FBXL18: variants seen among roughly 807,000 people sequenced by gnomAD.
FBXL18 encodes the protein F-box/LRR-repeat protein 18.
Under a neutral mutation model 46.0 loss-of-function variants are expected in FBXL18, and 36 were observed. That is an observed-to-expected ratio of 0.78 (90% CI 0.60 to 1.03). The LOEUF (loss-of-function observed/expected upper bound fraction) is 1.03, where lower values mean the gene tolerates loss of function less well. FBXL18 is among the 50% of genes least tolerant of loss of function. FBXL18 has a pLI of 0.00. For missense variants in FBXL18, 977 were observed against 1,004.1 expected (o/e 0.97, Z 0.36); for synonymous variants, 557 against 465.3 (o/e 1.20, Z -2.54).
intron 1 of FBXL18, among the ~76,000 whole-genome samples, chr7:5,513,437 G>A (rs550685131): frequency 6.6e-6 from 1 of 152,300 alleles, no homozygotes; most frequent in African/African-American, 2.4e-5. Flanking sequence ...CACGAGCGAA[G>A]GGGGAGACAG....
downstream of FBXL18, among the ~76,000 whole-genome samples, chr7:5,473,038 GCA>G (rs1240246938): frequency 6.6e-6 from 1 of 152,210 alleles, no homozygotes; most frequent in East Asian, 1.9e-4. Context: ...GGCGTCGGCA[GCA>G]CAGAGTATCA....
At chr7:5,458,283 G>T (rs1490332293) in intron 4 of FBXL18, among the ~76,000 whole-genome samples, 1 of 152,172 alleles carries the variant, frequency 6.6e-6, no homozygotes, top group Admixed American at 6.6e-5. Flanking sequence ...AGAGGTTTCT[G>T]GCCACCCACA....
At chr7:5,482,869 C>A (rs529694619) in intron 4 of FBXL18, among the ~76,000 whole-genome samples, 1 of 151,860 alleles carries the variant, frequency 6.6e-6, no homozygotes, top group Admixed American at 6.6e-5. Flanking sequence ...GACTTTGTCT[C>A]TATAAAAAAT....
At chr7:5,458,782 A>C (rs1387482520) in intron 4 of FBXL18, among the ~76,000 whole-genome samples, 3 of 151,992 alleles carry the variant, frequency 2.0e-5, no homozygotes, top group Admixed American at 2.0e-4. Context: ...AATCACTTGA[A>C]CCCGGAGGCA....
rs35815456 is a variant in FBXL18, at chr7:5,483,755, C to CA, written c.2001-1825dup. Among the ~76,000 whole-genome samples, 18 of 149,930 alleles carry CA rather than the reference C, an allele frequency of 1.2e-4. 1 individual carries two copies. The highest frequency in any genetic ancestry group is 3.4e-4 in the African/African-American group (14 of 40,810). On this transcript the variant is annotated intron_variant, in intron 4 of 4. Coordinates refer to ENST00000382368, the MANE Select transcript of FBXL18 (RefSeq NM_024963.6). ...GCAAAACTCCGTCTCAAAAAAAAGACAAAAAAAAAATCCAGAAACTTCTGC... is the reference window on the plus strand; with the variant it reads ...GCAAAACTCCGTCTCAAAAAAAAGACAAAAAAAAAAATCCAGAAACTTCTGC...
intron 4 of FBXL18, chr7:5,489,977 A>G (rs1584215190): frequency 3.9e-6 from 5 of 1,279,736 alleles, no homozygotes; most frequent in Non-Finnish European, 4.1e-6. Context: ...ATTGATGCAT[A>G]GTCTAAATTT....
rs1406618617 is a variant in FBXL18 at position 5,513,748 on chromosome 7, C to T, written c.-74G>A. The T allele has an allele frequency of 1.9e-6, 3 of 1,550,722 alleles. No homozygotes were observed. In the South Asian group the frequency reaches 3.5e-5, roughly 18 times the overall value. On this transcript the variant is annotated 5_prime_UTR_variant, in exon 1 of 5. Coordinates refer to ENST00000382368, the MANE Select transcript of FBXL18 (RefSeq NM_024963.6). ...TCCCACCTGCCCGGCTAGGGATGCT[C>T]GAAGCCGGCGCGTCCACCGCTCAAC...
At chr7:5,467,035 G>A (rs1437875232) in intron 4 of FBXL18, among the ~76,000 whole-genome samples, 3 of 152,106 alleles carry the variant, frequency 2.0e-5, no homozygotes, top group Non-Finnish European at 2.9e-5. Context: ...TGGCCATCAC[G>A]GCGAAACCCT....
At chr7:5,508,796 T>C (rs1177853673) in intron 1 of FBXL18, among the ~76,000 whole-genome samples, 1 of 152,070 alleles carries the variant, frequency 6.6e-6, no homozygotes, top group African/African-American at 2.4e-5. Context: ...GAATGAACTG[T>C]ACCCCTCCCA....
intron 3 of FBXL18, among the ~76,000 whole-genome samples, chr7:5,497,498 T>C (rs1381932615): frequency 6.6e-6 from 1 of 152,174 alleles, no homozygotes; most frequent in Non-Finnish European, 1.5e-5. Flanking sequence ...GATCCTGCGC[T>C]TCTCAACCCA....
chr7:5,487,208 G>A (rs1584210373), intron 4 of FBXL18, among the ~76,000 whole-genome samples: 3 of 152,236 alleles, frequency 2.0e-5, no homozygotes, highest in South Asian at 4.1e-4. Flanking sequence ...CCTGCGGCTC[G>A]GGCCACACTG....
At chr7:5,473,887 C>T (rs1362217967), downstream of FBXL18, among the ~76,000 whole-genome samples, 1 of 152,102 alleles carries the variant, frequency 6.6e-6, no homozygotes, top group African/African-American at 2.4e-5. Context: ...CCCCACCTCC[C>T]AGGTTCAAGT....
At chr7:5,465,772 G>A (rs1273427388) in intron 4 of FBXL18, among the ~76,000 whole-genome samples, 1 of 151,888 alleles carries the variant, frequency 6.6e-6, no homozygotes, top group Non-Finnish European at 1.5e-5. Context: ...CCAAACCCCA[G>A]ATTATACAAT....
intron 3 of FBXL18, among the ~76,000 whole-genome samples, chr7:5,499,899 A>G (rs1784186181): frequency 6.6e-6 from 1 of 151,500 alleles, no homozygotes. Context: ...TCTGTACACA[A>G]TTTTAAAAAT....
At chr7:5,463,596 G>C (rs1178246488) in intron 4 of FBXL18, among the ~76,000 whole-genome samples, 1 of 151,164 alleles carries the variant, frequency 6.6e-6, no homozygotes, top group Non-Finnish European at 1.5e-5. Flanking sequence ...TCCCTCCTGG[G>C]TGACAGGGTG....
chr7:5,481,536 A>C lies in FBXL18; in HGVS notation c.*239T>G. 15 of 366,162 alleles carry C rather than the reference A, an allele frequency of 4.1e-5. No homozygotes were observed. The highest frequency in any genetic ancestry group is 8.4e-4 in the Middle Eastern group (1 of 1,192). The allele number at this position is 366,162 out of a possible 1,614,324, so 22.7% of individuals were successfully genotyped here. A position where few individuals can be genotyped will look rare whatever the true frequency, so the allele number is the denominator to read the frequency against. On this transcript the variant is annotated 3_prime_UTR_variant, in exon 5 of 5. Coordinates refer to ENST00000382368, the MANE Select transcript of FBXL18 (RefSeq NM_024963.6). ...CAGCCTGGTTCAGCCAGCCCCCCAC[A>C]TCGACCGTCCCCCGAGCCCCCTCAT... is the stretch of plus-strand genomic sequence containing the variant.
chr7:5,501,423 G>A lies in FBXL18; in HGVS notation c.846C>T (p.Leu282=), dbSNP rs1279331971. The part of the protein sequence containing the change: ...SFAESGATKN[L]LDSMARNVVL... ...CGACATTGCGCGCCATGGAGTCCAG[G>A]AGGTTCTTGGTGGCGCCGCTCTCCG... The change falls in exon 3 of 5, where the codon CTC becomes CTT. Residue 282 remains leucine (L), a synonymous_variant. Coordinates refer to ENST00000382368, the MANE Select transcript of FBXL18 (RefSeq NM_024963.6). The A allele has an allele frequency of 1.9e-6, 3 of 1,613,526 alleles. No individual in the cohort carries two copies. Among genetic ancestry groups the A allele is most frequent in the African/African-American group, 1.3e-5 (1 of 74,954 alleles).
Position 5,478,957 on chromosome 7 carries a change from G to A in FBXL18, c.*2818C>T, listed in dbSNP as rs569112438. 6.6e-6 allele frequency: 1 copy of A among 152,228 alleles called. No homozygotes were observed. The highest frequency in any genetic ancestry group is 1.5e-5 in the Non-Finnish European group (1 of 68,046). The allele number at this position is 152,228 out of a possible 1,614,324, so 9.4% of individuals were successfully genotyped here. ...TTAACAGCCGAGCTCTGCCAATTGG[G>A]GACCATTAGGGTGGGTTCTTTTCCC... On this transcript the variant is annotated 3_prime_UTR_variant, in exon 5 of 5. Coordinates refer to ENST00000382368, the MANE Select transcript of FBXL18 (RefSeq NM_024963.6).
intron 4 of FBXL18, among the ~76,000 whole-genome samples, chr7:5,470,664 C>T (rs911747297): frequency 2.6e-5 from 4 of 151,872 alleles, no homozygotes; most frequent in Admixed American, 2.0e-4. Flanking sequence ...GAGGCTTCTC[C>T]GACCCCCGGC....
Sources: allele counts gnomAD v4.1 joint callset (sites outside exome capture counted in the v4.1 genomes callset), GRCh38; gene constraint gnomAD v4.1.1; transcripts MANE v1.5; gene names NCBI Gene and HGNC (gene_info 2026-07-23, HGNC 2026-07-21).